The following CD1A variants were observed in gnomAD, a reference collection of about 807,000 sequenced individuals.
The protein encoded by CD1A is T-cell surface glycoprotein CD1a.
A neutral mutation model predicts 38.3 loss-of-function variants in CD1A; 50 were observed. The ratio of observed to expected loss-of-function variants is 1.30; its 90% CI spans 1.04 to 1.65. The LOEUF (loss-of-function observed/expected upper bound fraction) is 1.65, where lower values mean the gene tolerates loss of function less well. CD1A is among the 40% of genes most tolerant of loss of function. The pLI is 0.00. For missense variants in CD1A, 459 were observed against 406.1 expected, an observed-to-expected ratio of 1.13 and a Z score of -1.12; for synonymous variants, 160 against 150.8, an observed-to-expected ratio of 1.06 and a Z score of -0.45.
At chr1:158,251,860 C>CT (rs565875813), upstream of CD1A, among the ~76,000 whole-genome samples, 18 of 148,834 alleles carry the variant, frequency 1.2e-4, no homozygotes, top group South Asian at 4.3e-4. Context: ...CAGGTTAGGG[C>CT]TTTTTTTTTT....
chr1:158,256,173 C>G lies in CD1A; in HGVS notation c.495C>G (p.Leu165=). The G allele has an allele frequency of 6.2e-7, 1 of 1,614,098 alleles. No individual in the cohort carries two copies. The highest frequency in any genetic ancestry group is 8.5e-7 in the Non-Finnish European group (1 of 1,179,970). ...GNMAKHFCKV[L]NQNQHENDIT... is the part of the protein sequence containing the mutation. Reference sequence around the variant, plus strand: ...TGGCCAAGCATTTCTGCAAAGTGCTCAATCAGAATCAGCATGAAAATGACA... The same window carrying G: ...TGGCCAAGCATTTCTGCAAAGTGCTGAATCAGAATCAGCATGAAAATGACA... The change falls in exon 3 of 6, where the codon CTC becomes CTG. Residue 165 remains leucine (L), a synonymous_variant. Transcript: ENST00000289429.
chr1:158,254,217 C>A (rs146991085), upstream of CD1A: 1 of 1,015,404 alleles, frequency 9.8e-7, no homozygotes, highest in East Asian at 1.0e-4. Context: ...GCTGAAGAGA[C>A]AGGGGAAGAG....
intron 1 of CD1A, 120 bp from the exon 2 acceptor site, chr1:158,254,964 G>A: frequency 3.7e-6 from 4 of 1,073,924 alleles, no homozygotes; most frequent in South Asian, 2.9e-5. Flanking sequence ...GTGAATGTCT[G>A]CTAAGATCAT....
At position 158,258,106 on chromosome 1, in the gene CD1A, A is replaced by G. The variant is rs1489492231; in HGVS notation, c.*416A>G. ...CCGTACTTTGCTAACTGTGCTCCTC[A>G]CTTCCTCTTCTTCATTGCAGTTATT... On this transcript the variant is annotated 3_prime_UTR_variant, in exon 6 of 6. Coordinates refer to ENST00000289429, the MANE Select transcript of CD1A (RefSeq NM_001763.3). 1.2e-5 allele frequency: 2 copies of G among 172,692 alleles called. No individual in the cohort carries two copies. Among genetic ancestry groups the G allele is most frequent in the Non-Finnish European group, 2.5e-5 (2 of 80,556 alleles). 10.7% of individuals were successfully genotyped at this position (172,692 alleles called of 1,614,324 possible).
At chr1:158,256,535 T>A (rs1650261357) in intron 3 of CD1A, among the ~76,000 whole-genome samples, 4 of 152,092 alleles carry the variant, frequency 2.6e-5, no homozygotes, top group Admixed American at 2.6e-4. Flanking sequence ...CCAGTCATGG[T>A]GGTACACACC....
At chr1:158,253,109 T>A (rs953684741), upstream of CD1A, among the ~76,000 whole-genome samples, 11 of 151,844 alleles carry the variant, frequency 7.2e-5, no homozygotes, top group African/African-American at 2.7e-4. Context: ...GAAAAAAAAT[T>A]TTTTCCCCCT....
At chr1:158,249,904 C>G (rs1246483699), upstream of CD1A, among the ~76,000 whole-genome samples, 3 of 152,194 alleles carry the variant, frequency 2.0e-5, no homozygotes, top group African/African-American at 4.8e-5. Context: ...AGTGGCCACT[C>G]CAACCCTCCA....
chr1:158,257,291 GA>G (rs1650293583), intron 4 of CD1A, 129 bp from the exon 5 acceptor site: 26 of 964,046 alleles, frequency 2.7e-5, no homozygotes, highest in Admixed American at 9.3e-5. Flanking sequence ...GAAAAACATA[GA>G]AAAAAAGGAG....
chr1:158,254,031 G>T (rs12060801), upstream of CD1A: 14,689 of 53,822 alleles, frequency 0.27, 855 homozygotes, highest in South Asian at 0.34. Context: ...TGTTCCTGTG[G>T]TTTTTTTTTT....
At position 158,256,137 on chromosome 1, in the gene CD1A, G is replaced by A; in HGVS notation, c.459G>A (p.Val153=). 6.2e-7 allele frequency: 1 copy of A among 1,614,158 alleles called. No individual in the cohort carries two copies. The highest frequency in any genetic ancestry group is 8.5e-7 in the Non-Finnish European group (1 of 1,180,032). Reference sequence around the variant, plus strand: ...ACAATTCATGGTTGCCATATCCAGTGGCTGGGAATATGGCCAAGCATTTCT... The same window carrying A: ...ACAATTCATGGTTGCCATATCCAGTAGCTGGGAATATGGCCAAGCATTTCT... ...FQNNSWLPYP[V]AGNMAKHFCK... Residue 153 remains valine (V), a synonymous_variant, in exon 3 of 6, where the codon GTG becomes GTA. Coordinates refer to ENST00000289429, the MANE Select transcript of CD1A (RefSeq NM_001763.3).
At chr1:158,250,778 TGCCGTCC>T (rs967891156), upstream of CD1A, among the ~76,000 whole-genome samples, 25 of 152,378 alleles carry the variant, frequency 1.6e-4, no homozygotes, top group African/African-American at 5.3e-4. Context: ...GCGTGAAGTC[TGCCGTCC>T]CTGCAGCTCT....
chr1:158,252,051 G>A (rs1000960106), upstream of CD1A, among the ~76,000 whole-genome samples: 1 of 151,756 alleles, frequency 6.6e-6, no homozygotes, highest in Admixed American at 6.6e-5. Flanking sequence ...GGTTGGTCTC[G>A]AACTCCTGAC....
chr1:158,256,712 ATCTAAACT>A, intron 3 of CD1A, 66 bp from the exon 4 acceptor site: 1 of 1,513,332 alleles, frequency 6.6e-7, no homozygotes, highest in Non-Finnish European at 8.9e-7. Flanking sequence ...CAATGTGTCT[ATCTAAACT>A]TCTAAACTGT....
At chr1:158,249,371 GCTTTCTGGTACATAGAGTACA>G in the CD1A span, among the ~76,000 whole-genome samples, 3 of 152,178 alleles carry the variant, frequency 2.0e-5, no homozygotes, top group Admixed American at 6.5e-5. Context: ...GTGGAGGCCT[GCTTTCTGGTACATAGAGTACA>G]CTTTCTGGAT....
chr1:158,253,237 C>A (rs191223233), upstream of CD1A, among the ~76,000 whole-genome samples: 1 of 152,098 alleles, frequency 6.6e-6, no homozygotes. Context: ...TCAACAGTTA[C>A]AAGCAGCGTA....
rs560873611 is a variant in CD1A at position 158,257,482 on chromosome 1, A to G, written c.945A>G (p.Ile315Met). The G allele has an allele frequency of 3.1e-6, 5 of 1,614,098 alleles. No individual in the cohort carries two copies. The highest frequency in any genetic ancestry group is 3.3e-5 in the Admixed American group (2 of 60,030). The change falls in exon 5 of 6, where the codon ATA becomes ATG. Residue 315 changes from isoleucine (I) to methionine (M), a missense_variant. Ile to Met is a conservative substitution (Grantham distance 10). Coordinates refer to ENST00000289429, the MANE Select transcript of CD1A (RefSeq NM_001763.3). The part of the protein sequence containing the change: ...LAVIVPLLLL[I>M]GLALWFRKRC... ...TGATAGTGCCTTTACTTCTTCTGAT[A>G]GGTCTTGCGCTTTGGTTCAGGAAAC...
At chr1:158,250,293 G>A (rs1311740422), upstream of CD1A, among the ~76,000 whole-genome samples, 1 of 152,172 alleles carries the variant, frequency 6.6e-6, no homozygotes, top group Non-Finnish European at 1.5e-5. Flanking sequence ...GAAGTGATGG[G>A]AGCCAAGACC....
rs1479688924 is a variant in CD1A, at chr1:158,257,212, T to C, written c.883+148T>C. The C allele has an allele frequency of 8.7e-6, 10 of 1,147,712 alleles. 1 individual carries two copies. The highest frequency in any genetic ancestry group is 8.2e-5 in the South Asian group (5 of 61,226). The allele number at this position is 1,147,712 out of a possible 1,614,324, so 71.1% of individuals were successfully genotyped here. ...ATCTAAGAAATGGAAATGTTGAAAA[T>C]GAGGGCCCTGTAGATGCAGGAGGAT... is the stretch of plus-strand genomic sequence containing the variant. On this transcript the variant is annotated intron_variant, in intron 4 of 5. Transcript: ENST00000289429.
intron 2 of CD1A, 73 bp from the exon 3 acceptor site, chr1:158,255,931 T>TTC: frequency 6.9e-7 from 1 of 1,442,766 alleles, no homozygotes; most frequent in Non-Finnish European, 9.5e-7. Context: ...CCCCTTCTGC[T>TTC]TCTATAATCT....
Sources: allele counts gnomAD v4.1 joint callset (sites outside exome capture counted in the v4.1 genomes callset), GRCh38; gene constraint gnomAD v4.1.1; transcripts MANE v1.5; gene names NCBI Gene and HGNC (gene_info 2026-07-23, HGNC 2026-07-21).